The following PCDHGB2 variants were observed in gnomAD, a reference collection of about 807,000 sequenced individuals.
PCDHGB2 encodes the protein protocadherin gamma-B2.
A neutral mutation model predicts 59.3 loss-of-function variants in PCDHGB2; 55 were observed. That is an observed-to-expected ratio of 0.93 (90% CI 0.75 to 1.16). The LOEUF is 1.16. PCDHGB2 is among the 50% of genes most tolerant of loss of function. PCDHGB2 has a pLI of 0.00. For synonymous variants in PCDHGB2, 516 were observed against 512.0 expected (o/e 1.01, Z -0.11); for missense variants, 1,228 against 1,198.5 (o/e 1.02, Z -0.36).
chr5:141,510,834 G>T, intron 3 of PCDHGB2, 113 bp from the exon 4 acceptor site: 1 of 1,581,880 alleles, frequency 6.3e-7, no homozygotes. Flanking sequence ...AGTGCTCAGC[G>T]TGGTCAAGGC....
In PCDHGB2 at chr5:141,361,392, T is replaced by A; in HGVS notation, c.1257T>A (p.Asn419Lys). The change falls in exon 1 of 4, where the codon AAT becomes AAA. Residue 419 changes from asparagine to lysine, a missense_variant. By Grantham distance (94) the Asn-to-Lys change is moderately conservative. Transcript: ENST00000522605. The part of the protein sequence containing the change: ...ALDREEIPEY[N>K]LTITATDGGK... ...ACCGGGAGGAGATCCCAGAATACAA[T>A]CTCACCATCACAGCCACCGACGGGG... is the stretch of plus-strand genomic sequence containing the variant. 1 of 1,613,882 alleles carries A rather than the reference T, an allele frequency of 6.2e-7. No individual in the cohort carries two copies. The highest frequency in any genetic ancestry group is 1.1e-5 in the South Asian group (1 of 91,082).
At position 141,410,026 on chromosome 5, in the gene PCDHGB2, G is replaced by A. The variant is rs571122351; in HGVS notation, c.2421+47470G>A. 37 of 1,613,302 alleles carry A rather than the reference G, an allele frequency of 2.3e-5. 2 individuals carry two copies. The East Asian group carries it at 8.0e-4, about 35-fold the overall frequency. On this transcript the variant is annotated intron_variant, in intron 1 of 3. Coordinates refer to ENST00000522605, the MANE Select transcript of PCDHGB2 (RefSeq NM_018923.3). ...ACAACGCCTGGCTGTCCTACCACGTGCTGCAGGCCAGTGAGCCCGGACTCT... is the reference window on the plus strand; with the variant it reads ...ACAACGCCTGGCTGTCCTACCACGTACTGCAGGCCAGTGAGCCCGGACTCT...
At position 141,374,269 on chromosome 5, in the gene PCDHGB2, C is replaced by T. The variant is rs372510702; in HGVS notation, c.2421+11713C>T. The stretch of plus-strand genomic sequence containing the variant: ...TGGAGCCCCAGGAGTTGGCGGAGCA[C>T]GGAGTCCGCATCGTCTCCAGAGGTA... On this transcript the variant is annotated intron_variant, in intron 1 of 3. Transcript: ENST00000522605. 9.5e-5 allele frequency: 154 copies of T among 1,614,002 alleles called. No homozygotes were observed. In the African/African-American group the frequency reaches 1.8e-3, roughly 19 times the overall value.
chr5:141,447,805 G>T (rs1389870133), intron 1 of PCDHGB2, among the ~76,000 whole-genome samples: 2 of 152,064 alleles, frequency 1.3e-5, no homozygotes, highest in African/African-American at 4.8e-5. Context: ...AATAAAATTG[G>T]CTGGGCGTGG....
chr5:141,403,595 T>G (rs2094430008), intron 1 of PCDHGB2: 1 of 1,613,824 alleles, frequency 6.2e-7, no homozygotes, highest in East Asian at 2.2e-5. Flanking sequence ...CCTCACGGCC[T>G]CGGATGGCGG....
chr5:141,402,895 A>G, intron 1 of PCDHGB2: 1 of 1,505,744 alleles, frequency 6.6e-7, no homozygotes, highest in South Asian at 1.4e-5. Context: ...GGAAGAAAGA[A>G]CCTGATGAAG....
In PCDHGB2 at chr5:141,361,737, C is replaced by G; in HGVS notation, c.1602C>G (p.Ala534=). The G allele has an allele frequency of 6.2e-7, 1 of 1,613,162 alleles. No homozygotes were observed. The highest frequency in any genetic ancestry group is 8.5e-7 in the Non-Finnish European group (1 of 1,179,762). ...GCGCCTTCGAGCTCACACTGCAGGC[C>G]CGCGACCAGGGCTCGCCCGCGCTCA... is the stretch of plus-strand genomic sequence containing the variant. The part of the protein sequence containing the change: ...QLRAFELTLQ[A]RDQGSPALSA... The change falls in exon 1 of 4, where the codon GCC becomes GCG. Residue 534 remains alanine, a synonymous_variant. Coordinates refer to ENST00000522605, the MANE Select transcript of PCDHGB2 (RefSeq NM_018923.3).
At chr5:141,410,508 G>C in intron 1 of PCDHGB2, 2 of 1,613,968 alleles carry the variant, frequency 1.2e-6, no homozygotes, top group Non-Finnish European at 8.5e-7. Flanking sequence ...TTCCTAAAAT[G>C]CAGTGTGCCC....
chr5:141,388,903 A>G (rs910200040), intron 1 of PCDHGB2: 14 of 1,614,010 alleles, frequency 8.7e-6, no homozygotes, highest in Non-Finnish European at 1.2e-5. Flanking sequence ...GATGAAAATG[A>G]CAACGCCCCA....
intron 1 of PCDHGB2, chr5:141,418,007 C>T: frequency 6.2e-7 from 1 of 1,613,904 alleles, no homozygotes; most frequent in Non-Finnish European, 8.5e-7. Flanking sequence ...GGTGGGGAAC[C>T]TCGCTAAGGA....
In PCDHGB2 at chr5:141,409,431, T is replaced by C. The variant is rs191277647; in HGVS notation, c.2421+46875T>C. 41 of 1,614,006 alleles carry C rather than the reference T, an allele frequency of 2.5e-5. No homozygotes were observed. In the African/African-American group the frequency reaches 3.9e-4, roughly 15 times the overall value. Reference sequence around the variant, plus strand: ...TACAAACTGGTGACAGATGGAGCCCTGGACCGAGAGCAGACACCAGAATAC... The same window carrying C: ...TACAAACTGGTGACAGATGGAGCCCCGGACCGAGAGCAGACACCAGAATAC... On this transcript the variant is annotated intron_variant, in intron 1 of 3. Transcript: ENST00000522605.
At chr5:141,389,424 G>T in intron 1 of PCDHGB2, 1 of 1,613,510 alleles carries the variant, frequency 6.2e-7, no homozygotes, top group Non-Finnish European at 8.5e-7. Context: ...GGTGGTGTTC[G>T]CGCAGCGCGC....
chr5:141,501,852 A>G (rs922276780), intron 2 of PCDHGB2, among the ~76,000 whole-genome samples: 2 of 151,924 alleles, frequency 1.3e-5, no homozygotes, highest in African/African-American at 4.8e-5. Context: ...TCAACCTTCA[A>G]CCATTTCCCA....
chr5:141,457,111 G>A (rs922281700), intron 1 of PCDHGB2, among the ~76,000 whole-genome samples: 4 of 152,120 alleles, frequency 2.6e-5, no homozygotes, highest in South Asian at 2.1e-4. Flanking sequence ...AGCAAAATAC[G>A]ACAGCAATGG....
intron 1 of PCDHGB2, among the ~76,000 whole-genome samples, chr5:141,434,692 A>G (rs891952554): frequency 8.5e-5 from 13 of 152,082 alleles, no homozygotes; most frequent in African/African-American, 2.4e-4. Flanking sequence ...CTTGCTGTTA[A>G]TAAATATGTG....
rs200568923 is a variant in PCDHGB2 at position 141,413,794 on chromosome 5, G to A, written c.2421+51238G>A. On this transcript the variant is annotated intron_variant, in intron 1 of 3. Coordinates refer to ENST00000522605, the MANE Select transcript of PCDHGB2 (RefSeq NM_018923.3). The stretch of plus-strand genomic sequence containing the variant: ...GGTACTGGAGCACTCCCTAGATCGC[G>A]AGGAAGAGGCCATTCACCACCTGGT... 6.7e-5 allele frequency: 108 copies of A among 1,613,050 alleles called. No individual in the cohort carries two copies. Among genetic ancestry groups the A allele is most frequent in the Admixed American group, 8.3e-5 (5 of 59,990 alleles).
chr5:141,492,461 G>T (rs1218833302), intron 1 of PCDHGB2, among the ~76,000 whole-genome samples: 1 of 152,212 alleles, frequency 6.6e-6, no homozygotes, highest in Non-Finnish European at 1.5e-5. Flanking sequence ...CGCGCCTGAG[G>T]GTCCCAGATC....
chr5:141,487,577 C>A lies in PCDHGB2; in HGVS notation c.2422-7230C>A. 1.2e-6 allele frequency: 2 copies of A among 1,614,150 alleles called. No individual in the cohort carries two copies. Among genetic ancestry groups the A allele is most frequent in the Non-Finnish European group, 1.7e-6 (2 of 1,180,024 alleles). ...ACCTATGGCAGGGGAGCCTGTTCGC[C>A]CAAGCTGCCCACCCTCTGATCTTCT... On this transcript the variant is annotated intron_variant, in intron 1 of 3. Coordinates refer to ENST00000522605, the MANE Select transcript of PCDHGB2 (RefSeq NM_018923.3). The surrounding 1 kb of genome is among the most constrained non-coding windows in gnomAD (Gnocchi z 5.0).
chr5:141,477,393 G>C lies in PCDHGB2; in HGVS notation c.2422-17414G>C. ...GAGACTGTGCCAGAATACAACCTCA[G>C]CATCACCGCCCGAGACGCCGGAACC... On this transcript the variant is annotated intron_variant, in intron 1 of 3. Coordinates refer to ENST00000522605, the MANE Select transcript of PCDHGB2 (RefSeq NM_018923.3). The surrounding 1 kb of genome is among the most constrained non-coding windows in gnomAD (Gnocchi z 4.9). The C allele has an allele frequency of 6.2e-7, 1 of 1,614,098 alleles. No individual in the cohort carries two copies. The highest frequency in any genetic ancestry group is 8.5e-7 in the Non-Finnish European group (1 of 1,180,028).
Sources: gnomAD v4.1 joint callset for allele counts (sites outside exome capture counted in the v4.1 genomes callset) on GRCh38, gnomAD v4.1.1 for gene constraint, Gnocchi (gnomAD v3.1) non-coding constraint, MANE v1.5 for transcripts, NCBI Gene and HGNC (gene_info 2026-07-23, HGNC 2026-07-21) for gene names.